Variants in NEDD4L observed in about 807,000 individuals in gnomAD.
NEDD4L encodes the protein NEDD4 like E3 ubiquitin protein ligase.
A neutral mutation model predicts 148.9 loss-of-function variants in NEDD4L; 54 were observed. The observed-to-expected ratio is 0.36, with a 90% CI of 0.29 to 0.45. The LOEUF is 0.45. Ranked by LOEUF, NEDD4L falls within the 20% of genes least tolerant of loss-of-function variation. NEDD4L has a pLI of 1.00. For missense variants in NEDD4L, 856 were observed against 1,233.8 expected, an observed-to-expected ratio of 0.69 and a Z score of 4.59; for synonymous variants, 433 against 440.7, an observed-to-expected ratio of 0.98 and a Z score of 0.22.
In NEDD4L at chr18:58,271,959, G is replaced by A. The variant is rs1466068632; in HGVS notation, c.297+19905G>A. 2.0e-5 allele frequency among the ~76,000 whole-genome samples: 3 copies of A among 152,186 alleles called. No homozygotes were observed. The East Asian group carries it at 5.8e-4, about 29-fold the overall frequency. ...TGCTAATTTTGGATGTGGCTGAAAT[G>A]AGATTGTCAGCAAATTACAACTTCA... is the stretch of plus-strand genomic sequence containing the variant. On this transcript the variant is annotated intron_variant, in intron 5 of 30. Transcript: ENST00000400345.
At chr18:58,096,334 A>AT (rs912004246) in intron 1 of NEDD4L, among the ~76,000 whole-genome samples, 4 of 147,328 alleles carry the variant, frequency 2.7e-5, no homozygotes, top group Non-Finnish European at 1.5e-5. Context: ...CCTTAGTGTG[A>AT]TTATTTTATT....
chr18:58,251,073 C>T (rs2047869267), intron 4 of NEDD4L, among the ~76,000 whole-genome samples: 1 of 152,208 alleles, frequency 6.6e-6, no homozygotes, highest in Non-Finnish European at 1.5e-5. Context: ...GGTTGCCCTA[C>T]ACATTAGCTG....
At chr18:58,078,009 A>T (rs2083257003) in intron 1 of NEDD4L, among the ~76,000 whole-genome samples, 1 of 89,500 alleles carries the variant, frequency 1.1e-5, no homozygotes. Flanking sequence ...TGAGGCTGAG[A>T]AACGTATTTT....
At chr18:58,065,569 C>T (rs902288643) in intron 1 of NEDD4L, among the ~76,000 whole-genome samples, 3 of 152,188 alleles carry the variant, frequency 2.0e-5, no homozygotes, top group African/African-American at 7.2e-5. Context: ...GGATGGTGCC[C>T]AGGCAGATGA....
At chr18:58,239,702 G>A (rs1230321513) in intron 2 of NEDD4L, among the ~76,000 whole-genome samples, 1 of 152,206 alleles carries the variant, frequency 6.6e-6, no homozygotes, top group African/African-American at 2.4e-5. Flanking sequence ...GAGCAATGGA[G>A]CAAACCCAGA....
intron 1 of NEDD4L, among the ~76,000 whole-genome samples, chr18:58,130,272 A>G (rs1470858517): frequency 1.5e-5 from 2 of 135,188 alleles, no homozygotes; most frequent in Non-Finnish European, 3.1e-5. Context: ...GTTGTGATCT[A>G]GTGGAACTGT....
chr18:58,220,544 C>T (rs1180983104), intron 2 of NEDD4L, among the ~76,000 whole-genome samples: 1 of 152,226 alleles, frequency 6.6e-6, no homozygotes, highest in African/African-American at 2.4e-5. Context: ...TCATCTTCCC[C>T]CCACCTCTGG....
chr18:58,224,118 A>G (rs2044081476), intron 2 of NEDD4L, among the ~76,000 whole-genome samples: 1 of 152,206 alleles, frequency 6.6e-6, no homozygotes, highest in South Asian at 2.1e-4. Context: ...CGTAGAATAC[A>G]TGGAAAACGC....
At chr18:58,150,157 C>CGA (rs542254482) in intron 1 of NEDD4L, among the ~76,000 whole-genome samples, 71 of 152,326 alleles carry the variant, frequency 4.7e-4, no homozygotes, top group Non-Finnish European at 6.5e-4. Context: ...GGGACGATGT[C>CGA]TTTCAGTTCT....
At chr18:58,092,929 C>T (rs1309363113) in intron 1 of NEDD4L, among the ~76,000 whole-genome samples, 2 of 148,666 alleles carry the variant, frequency 1.3e-5, no homozygotes, top group East Asian at 3.9e-4. Flanking sequence ...GGCATGATCT[C>T]GGCTCACTGC....
intron 1 of NEDD4L, chr18:58,045,177 G>A (rs2081518828): frequency 5.0e-6 from 2 of 398,892 alleles, no homozygotes; most frequent in Non-Finnish European, 8.8e-6. Flanking sequence ...TCATGATTGT[G>A]TGGATCAGCA....
In NEDD4L at chr18:58,044,659, C is replaced by T. The variant is rs2081489296; in HGVS notation, c.-2C>T. Reference sequence around the variant, plus strand: ...TCAGACCCCGCGCGGGGCGCCGGCTCCATGGCGACCGGGCTCGGGGAGCCG... The same window carrying T: ...TCAGACCCCGCGCGGGGCGCCGGCTTCATGGCGACCGGGCTCGGGGAGCCG... On this transcript the variant is annotated 5_prime_UTR_variant, in exon 1 of 31. Coordinates refer to ENST00000400345, the MANE Select transcript of NEDD4L (RefSeq NM_001144967.3). 1.2e-6 allele frequency: 2 copies of T among 1,601,360 alleles called. No homozygotes were observed. Among genetic ancestry groups the T allele is most frequent in the Non-Finnish European group, 1.7e-6 (2 of 1,174,450 alleles).
chr18:58,341,610 T>C, intron 14 of NEDD4L, 68 bp from the exon 15 acceptor site: 6 of 1,547,436 alleles, frequency 3.9e-6, no homozygotes, highest in Non-Finnish European at 5.3e-6. Flanking sequence ...TTGTTTGGGT[T>C]CGCGCTCCTA....
chr18:58,380,409 C>CTGGAGTGCAATGGCATGAT (rs1230521884), intron 24 of NEDD4L, among the ~76,000 whole-genome samples: 2 of 151,764 alleles, frequency 1.3e-5, no homozygotes, highest in African/African-American at 4.8e-5. Context: ...ACCTCAGCCC[C>CTGGAGTGCAATGGCATGAT]CTGGGTTCAA....
chr18:58,143,760 G>T (rs1397188008), intron 1 of NEDD4L, among the ~76,000 whole-genome samples: 1 of 152,214 alleles, frequency 6.6e-6, no homozygotes, highest in East Asian at 1.9e-4. Context: ...AGACACAGCG[G>T]CCGGTGGTGT....
intron 3 of NEDD4L, 68 bp downstream of exon 3, chr18:58,245,576 C>CATAA: frequency 2.6e-6 from 2 of 779,564 alleles, no homozygotes; most frequent in Non-Finnish European, 4.2e-6. Context: ...CAGTCATGTG[C>CATAA]TGCTTAACAC....
At chr18:58,110,529 T>A (rs2085354593) in intron 1 of NEDD4L, among the ~76,000 whole-genome samples, 1 of 152,228 alleles carries the variant, frequency 6.6e-6, no homozygotes, top group African/African-American at 2.4e-5. Context: ...TGAGACTCTC[T>A]GGCCCTCATT....
At chr18:58,129,728 G>A (rs577113653) in intron 1 of NEDD4L, among the ~76,000 whole-genome samples, 4 of 152,376 alleles carry the variant, frequency 2.6e-5, no homozygotes, top group Non-Finnish European at 4.4e-5. Flanking sequence ...GGTTGGTTGC[G>A]ATCCAGCAGA....
At position 58,316,968 on chromosome 18, in the gene NEDD4L, T is replaced by G. The variant is rs563267665; in HGVS notation, c.348+936T>G. 2.5e-4 allele frequency among the ~76,000 whole-genome samples: 9 copies of G among 36,604 alleles called. No individual in the cohort carries two copies. In the South Asian group the frequency reaches 4.6e-3, roughly 19 times the overall value. 24.0% of individuals were successfully genotyped at this position (36,604 alleles called of 152,430 possible). On this transcript the variant is annotated intron_variant, in intron 6 of 30. Transcript: ENST00000400345. ...GTGACTTTACTTTATTTACTTTATT[T>G]AAAGCTATTTAAAGCTAGCATAAGC... is the stretch of plus-strand genomic sequence containing the variant.
Sources: gnomAD v4.1 joint callset for allele counts (sites outside exome capture counted in the v4.1 genomes callset) on GRCh38, gnomAD v4.1.1 for gene constraint, MANE v1.5 for transcripts, NCBI Gene and HGNC (gene_info 2026-07-23, HGNC 2026-07-21) for gene names.